STXBP5L: variants seen among roughly 807,000 people sequenced by gnomAD.
The protein encoded by STXBP5L is syntaxin-binding protein 5-like.
A neutral mutation model predicts 144.5 loss-of-function variants in STXBP5L; 65 were observed. The observed-to-expected ratio is 0.45, with a 90% CI of 0.37 to 0.55. The LOEUF is 0.55. STXBP5L is among the 20% of genes least tolerant of loss of function. The pLI, the probability that STXBP5L is intolerant of heterozygous loss-of-function variation, is 0.00. For synonymous variants in STXBP5L, 505 were observed against 469.6 expected, an observed-to-expected ratio of 1.08 and a Z score of -0.97; for missense variants, 1,298 against 1,405.5, an observed-to-expected ratio of 0.92 and a Z score of 1.22.
intron 3 of STXBP5L, among the ~76,000 whole-genome samples, chr3:121,038,845 C>A (rs1279181017): frequency 6.6e-6 from 1 of 151,642 alleles, no homozygotes; most frequent in Non-Finnish European, 1.5e-5. Flanking sequence ...AAGTGACCAC[C>A]TTTAACCCCG....
At chr3:121,001,632 A>T (rs1559980313) in intron 3 of STXBP5L, among the ~76,000 whole-genome samples, 1 of 152,138 alleles carries the variant, frequency 6.6e-6, no homozygotes, top group Non-Finnish European at 1.5e-5. Context: ...TTACATGGCA[A>T]GAGTGGGCCA....
chr3:121,312,807 C>A (rs1559963644), intron 19 of STXBP5L, among the ~76,000 whole-genome samples: 1 of 152,112 alleles, frequency 6.6e-6, no homozygotes, highest in African/African-American at 2.4e-5. Flanking sequence ...GATCCCAAGG[C>A]AGAAGAATTT....
At chr3:121,360,086 T>C (rs1474287497) in intron 20 of STXBP5L, among the ~76,000 whole-genome samples, 2 of 146,964 alleles carry the variant, frequency 1.4e-5, no homozygotes, top group African/African-American at 5.0e-5. Context: ...TGTTCCCATA[T>C]TGGGTACATA....
intron 2 of STXBP5L, among the ~76,000 whole-genome samples, chr3:120,945,496 A>G (rs1710799335): frequency 6.6e-6 from 1 of 151,828 alleles, no homozygotes; most frequent in South Asian, 2.1e-4. Flanking sequence ...GCTTTGGCAT[A>G]TCAGTATTAT....
At chr3:121,352,681 C>T (rs944801661) in intron 20 of STXBP5L, among the ~76,000 whole-genome samples, 1 of 152,024 alleles carries the variant, frequency 6.6e-6, no homozygotes, top group South Asian at 2.1e-4. Flanking sequence ...ATTTCTTTCT[C>T]TTGCCTGATT....
intron 26 of STXBP5L, 96 bp downstream of exon 26, chr3:121,418,653 T>A (rs2047295077): frequency 8.8e-7 from 1 of 1,131,040 alleles, no homozygotes; most frequent in Admixed American, 2.4e-5. Context: ...TCCACATAAG[T>A]AATCCTGTAT....
intron 5 of STXBP5L, among the ~76,000 whole-genome samples, chr3:121,065,729 A>T (rs2041512033): frequency 1.3e-5 from 2 of 152,290 alleles, no homozygotes; most frequent in South Asian, 2.1e-4. Flanking sequence ...TTTGAGAATT[A>T]AAAAATATAT....
intron 23 of STXBP5L, among the ~76,000 whole-genome samples, chr3:121,408,444 G>A (rs143600854): frequency 0.016 from 2,372 of 151,890 alleles, 32 homozygotes; most frequent in Middle Eastern, 0.024. Flanking sequence ...GTCTAACTTG[G>A]GAGATAAGAT....
chr3:121,016,037 A>G (rs553521592), intron 3 of STXBP5L, among the ~76,000 whole-genome samples: 21 of 152,352 alleles, frequency 1.4e-4, no homozygotes, highest in African/African-American at 5.0e-4. Context: ...AAAGTCAAGA[A>G]CAAAGGCACA....
chr3:121,365,562 A>C (rs561397338), intron 20 of STXBP5L, among the ~76,000 whole-genome samples: 2 of 151,882 alleles, frequency 1.3e-5, no homozygotes, highest in East Asian at 3.9e-4. Flanking sequence ...TTGGCATACA[A>C]ATGTTCATAA....
chr3:121,136,655 G>A (rs2045270186), intron 7 of STXBP5L, among the ~76,000 whole-genome samples: 1 of 152,166 alleles, frequency 6.6e-6, no homozygotes, highest in East Asian at 1.9e-4. Context: ...AAGCCATTGT[G>A]GAAAGCAATC....
intron 4 of STXBP5L, among the ~76,000 whole-genome samples, chr3:121,042,815 A>G (rs1947251155): frequency 6.6e-6 from 1 of 152,050 alleles, no homozygotes; most frequent in Non-Finnish European, 1.5e-5. Context: ...TTCACCATGT[A>G]GGCACACTTG....
intron 3 of STXBP5L, among the ~76,000 whole-genome samples, chr3:120,977,640 C>T (rs748973262): frequency 6.6e-5 from 10 of 152,204 alleles, no homozygotes; most frequent in African/African-American, 1.7e-4. Context: ...TTCCTAGCTT[C>T]GATGGTCTTT....
intron 5 of STXBP5L, among the ~76,000 whole-genome samples, chr3:121,106,371 A>G (rs569982980): frequency 2.4e-4 from 37 of 152,228 alleles, no homozygotes; most frequent in African/African-American, 8.7e-4. Flanking sequence ...TGAGCCCTAC[A>G]TGCATTAGCT....
intron 9 of STXBP5L, among the ~76,000 whole-genome samples, chr3:121,191,520 G>A (rs1002411153): frequency 6.6e-6 from 1 of 152,168 alleles, no homozygotes; most frequent in East Asian, 1.9e-4. Flanking sequence ...GCATCAGAGG[G>A]AGACTGTGCA....
intron 7 of STXBP5L, among the ~76,000 whole-genome samples, chr3:121,130,883 G>A (rs570923512): frequency 2.5e-3 from 385 of 151,884 alleles, no homozygotes; most frequent in Non-Finnish European, 3.9e-3. Flanking sequence ...AGAATTTATG[G>A]AATATAATGA....
chr3:121,241,415 A>G (rs1270601224), intron 14 of STXBP5L, among the ~76,000 whole-genome samples: 1 of 122,486 alleles, frequency 8.2e-6, no homozygotes, highest in Non-Finnish European at 1.7e-5. Context: ...ACACACGCAC[A>G]CACCTTTCTC....
At chr3:121,007,927 T>A (rs1389476466) in intron 3 of STXBP5L, among the ~76,000 whole-genome samples, 1 of 151,960 alleles carries the variant, frequency 6.6e-6, no homozygotes, top group Non-Finnish European at 1.5e-5. Flanking sequence ...TTTATGACAT[T>A]AAAAAAAATT....
chr3:121,354,783 G>A (rs145841809), intron 20 of STXBP5L, among the ~76,000 whole-genome samples: 3,514 of 152,188 alleles, frequency 0.023, 73 homozygotes, highest in South Asian at 0.04. Context: ...TTTCTTCCTA[G>A]CATCTATGAT....
Sources: gnomAD v4.1 joint callset for allele counts (sites outside exome capture counted in the v4.1 genomes callset) on GRCh38, gnomAD v4.1.1 for gene constraint, MANE v1.5 for transcripts, NCBI Gene and HGNC (gene_info 2026-07-23, HGNC 2026-07-21) for gene names.